The following NREP variants were observed in gnomAD, a reference collection of about 807,000 sequenced individuals.
The protein encoded by NREP is neuronal regeneration-related protein.
In NREP, 5 loss-of-function variants were observed where a neutral mutation model predicts 8.6. The ratio of observed to expected loss-of-function variants is 0.58; its 90% CI spans 0.30 to 1.22. The LOEUF (loss-of-function observed/expected upper bound fraction) is 1.22, where lower values mean the gene tolerates loss of function less well. Among genes scored for constraint, NREP ranks in the 50% most tolerant of loss-of-function variants. NREP has a pLI of 0.07. For missense variants in NREP, 86 were observed against 82.5 expected (o/e 1.04, Z -0.17); for synonymous variants, 27 against 28.0 (o/e 0.96, Z 0.11).
intron 2 of NREP, among the ~76,000 whole-genome samples, chr5:111,825,584 C>T (rs771154395): frequency 1.3e-5 from 2 of 152,172 alleles, no homozygotes; most frequent in Admixed American, 1.3e-4. Context: ...TTTTTGGTAG[C>T]TCACAAATCT....
At chr5:111,893,801 T>C (rs1754446749) in intron 2 of NREP, among the ~76,000 whole-genome samples, 2 of 151,964 alleles carry the variant, frequency 1.3e-5, no homozygotes, top group African/African-American at 2.4e-5. Flanking sequence ...TAATTCATTT[T>C]ACCATCTTGT....
intron 2 of NREP, among the ~76,000 whole-genome samples, chr5:111,870,593 T>C (rs1214405876): frequency 1.3e-5 from 2 of 152,162 alleles, no homozygotes; most frequent in Non-Finnish European, 2.9e-5. Flanking sequence ...AATTATGGAT[T>C]GTATGCCAAC....
chr5:111,761,566 C>T (rs777778943), upstream of NREP, among the ~76,000 whole-genome samples: 1 of 152,220 alleles, frequency 6.6e-6, no homozygotes, highest in Non-Finnish European at 1.5e-5. Context: ...TACACCTGAA[C>T]TTGGACTTTA....
intron 2 of NREP, among the ~76,000 whole-genome samples, chr5:111,836,232 A>G (rs1325494792): frequency 6.6e-6 from 1 of 152,144 alleles, no homozygotes; most frequent in Admixed American, 6.6e-5. Flanking sequence ...GAAAGAATGA[A>G]TGAATTAAAC....
chr5:111,852,749 A>G (rs572419949), intron 2 of NREP, among the ~76,000 whole-genome samples: 1 of 152,180 alleles, frequency 6.6e-6, no homozygotes, highest in South Asian at 2.1e-4. Context: ...ATACAGTGTC[A>G]TTGTTTTTGG....
chr5:111,974,970 T>C (rs1178401439), intron 2 of NREP, among the ~76,000 whole-genome samples: 3 of 152,172 alleles, frequency 2.0e-5, no homozygotes, highest in Admixed American at 1.3e-4. Flanking sequence ...ATGGAGGGAA[T>C]GCTGAGGGCT....
chr5:111,803,509 G>A (rs1009007160), intron 2 of NREP, among the ~76,000 whole-genome samples: 3 of 151,932 alleles, frequency 2.0e-5, no homozygotes, highest in African/African-American at 7.3e-5. Flanking sequence ...TCAATTACAT[G>A]CTTATTTTGA....
At chr5:111,903,277 G>T (rs1754692910) in intron 2 of NREP, among the ~76,000 whole-genome samples, 1 of 151,738 alleles carries the variant, frequency 6.6e-6, no homozygotes, top group Non-Finnish European at 1.5e-5. Flanking sequence ...TAGAGACGGG[G>T]TTTCACCGTA....
chr5:111,870,245 C>T (rs1753758589), intron 2 of NREP, among the ~76,000 whole-genome samples: 1 of 152,156 alleles, frequency 6.6e-6, no homozygotes, highest in African/African-American at 2.4e-5. Context: ...GCCTGGCCAA[C>T]ATGGCGAAAC....
chr5:111,737,484 T>C (rs957538650), intron 2 of NREP, among the ~76,000 whole-genome samples: 14 of 152,252 alleles, frequency 9.2e-5, no homozygotes, highest in African/African-American at 3.1e-4. Flanking sequence ...TGTAAAAACT[T>C]TGTAGGCACA....
intron 2 of NREP, among the ~76,000 whole-genome samples, chr5:111,957,954 C>T (rs961795702): frequency 2.0e-5 from 3 of 151,834 alleles, no homozygotes; most frequent in African/African-American, 7.2e-5. Context: ...AAAAATGCAA[C>T]AATACCCATT....
chr5:111,902,421 G>A (rs1754668760), intron 2 of NREP, among the ~76,000 whole-genome samples: 1 of 152,140 alleles, frequency 6.6e-6, no homozygotes, highest in Non-Finnish European at 1.5e-5. Flanking sequence ...GAAATTTTAT[G>A]CAAGTAGAAT....
chr5:111,851,409 C>T (rs556587693), intron 2 of NREP, among the ~76,000 whole-genome samples: 1 of 152,040 alleles, frequency 6.6e-6, no homozygotes, highest in East Asian at 1.9e-4. Flanking sequence ...CTAAGGTTAC[C>T]AAAGTCATTA....
intron 2 of NREP, among the ~76,000 whole-genome samples, chr5:111,864,287 C>T (rs1256861704): frequency 6.6e-6 from 1 of 152,020 alleles, no homozygotes; most frequent in African/African-American, 2.4e-5. Flanking sequence ...GATGGAAATA[C>T]TTTTAATGTA....
chr5:111,903,559 T>G (rs1346259423), intron 2 of NREP, among the ~76,000 whole-genome samples: 3 of 152,170 alleles, frequency 2.0e-5, no homozygotes, highest in African/African-American at 7.2e-5. Flanking sequence ...TTTCATAGTT[T>G]CAGCTGGGTA....
At chr5:111,758,771 G>A (rs1196437339), upstream of NREP, among the ~76,000 whole-genome samples, 4 of 152,186 alleles carry the variant, frequency 2.6e-5, no homozygotes, top group East Asian at 3.8e-4. Context: ...TACAGCAATA[G>A]CAAACCTTAA....
At chr5:111,899,805 A>G (rs1011218029) in intron 2 of NREP, among the ~76,000 whole-genome samples, 1 of 152,250 alleles carries the variant, frequency 6.6e-6, no homozygotes, top group Non-Finnish European at 1.5e-5. Context: ...TAGAGCATGT[A>G]GATGAATAAA....
intron 2 of NREP, among the ~76,000 whole-genome samples, chr5:111,809,073 T>C (rs1333968695): frequency 6.6e-6 from 1 of 152,248 alleles, no homozygotes; most frequent in Non-Finnish European, 1.5e-5. Context: ...TTGAAATCTT[T>C]TAATGCCACT....
chr5:111,765,068 C>A (rs1751048649), intron 2 of NREP, among the ~76,000 whole-genome samples: 1 of 152,124 alleles, frequency 6.6e-6, no homozygotes, highest in African/African-American at 2.4e-5. Context: ...CATTCTCCAA[C>A]CTTTTGGGCA....
Sources: allele counts gnomAD v4.1 joint callset (sites outside exome capture counted in the v4.1 genomes callset), GRCh38; gene constraint gnomAD v4.1.1; transcripts MANE v1.5; gene names NCBI Gene and HGNC (gene_info 2026-07-23, HGNC 2026-07-21).